Variants in RPH3A observed in about 807,000 individuals in gnomAD.
The protein encoded by RPH3A is rabphilin-3A.
Under a neutral mutation model 102.2 loss-of-function variants are expected in RPH3A, and 48 were observed. That is an observed-to-expected ratio of 0.47 (90% CI 0.37 to 0.60). RPH3A has a LOEUF of 0.60. Ranked by LOEUF, RPH3A falls within the 20% of genes least tolerant of loss-of-function variation. The pLI, the probability that RPH3A is intolerant of heterozygous loss-of-function variation, is 0.00. For synonymous variants in RPH3A, 310 were observed against 324.3 expected, an observed-to-expected ratio of 0.96 and a Z score of 0.47; for missense variants, 781 against 910.1, an observed-to-expected ratio of 0.86 and a Z score of 1.83.
chr12:112,767,919 C>T (rs1298429758), intron 1 of RPH3A, among the ~76,000 whole-genome samples: 3 of 152,068 alleles, frequency 2.0e-5, no homozygotes, highest in Non-Finnish European at 2.9e-5. Flanking sequence ...GAGGCAAATC[C>T]ATAGAGACAG....
chr12:112,663,848 A>G (rs1372029759), intron 1 of RPH3A, among the ~76,000 whole-genome samples: 7 of 152,134 alleles, frequency 4.6e-5, no homozygotes, highest in Admixed American at 4.6e-4. Flanking sequence ...CCAGCATATA[A>G]ACCAAGAGAA....
At chr12:112,896,543 G>C (rs939266594) in intron 21 of RPH3A, 107 bp from the exon 22 acceptor site, 17 of 1,286,692 alleles carry the variant, frequency 1.3e-5, no homozygotes, top group Middle Eastern at 2.3e-4. Context: ...TGGATCCCAG[G>C]TTGCTGGGGG....
intron 6 of RPH3A, among the ~76,000 whole-genome samples, chr12:112,866,197 G>A (rs908247705): frequency 6.6e-6 from 1 of 152,158 alleles, no homozygotes; most frequent in Non-Finnish European, 1.5e-5. Context: ...CATGTAGAAT[G>A]AAATCTTGCG....
chr12:112,847,493 C>T (rs997008589), intron 4 of RPH3A, among the ~76,000 whole-genome samples: 1 of 152,190 alleles, frequency 6.6e-6, no homozygotes, highest in Non-Finnish European at 1.5e-5. Flanking sequence ...CATGGAGTGT[C>T]TACTGTGTAC....
intron 1 of RPH3A, among the ~76,000 whole-genome samples, chr12:112,633,243 G>C (rs746229736): frequency 1.3e-5 from 2 of 152,114 alleles, no homozygotes; most frequent in Non-Finnish European, 2.9e-5. Context: ...ATCTATATGA[G>C]TCATCCTTCA....
chr12:112,696,555 A>G (rs1436295589), intron 1 of RPH3A, among the ~76,000 whole-genome samples: 1 of 152,164 alleles, frequency 6.6e-6, no homozygotes. Context: ...CTTCATTGCT[A>G]GGTTGTGTGC....
intron 1 of RPH3A, among the ~76,000 whole-genome samples, chr12:112,667,056 C>T (rs1157471695): frequency 3.3e-5 from 5 of 152,190 alleles, no homozygotes; most frequent in Non-Finnish European, 7.3e-5. Context: ...AAGCCACTCT[C>T]TGGTTCTCTG....
chr12:112,782,868 T>G (rs2041018736), intron 1 of RPH3A, among the ~76,000 whole-genome samples: 1 of 152,264 alleles, frequency 6.6e-6, no homozygotes, highest in Non-Finnish European at 1.5e-5. Flanking sequence ...GATTCTGTGA[T>G]GATCATCTCT....
At chr12:112,857,852 TCAGC>T (rs200812939) in intron 5 of RPH3A, among the ~76,000 whole-genome samples, 2,487 of 152,264 alleles carry the variant, frequency 0.016, 28 homozygotes, top group Non-Finnish European at 0.025. Context: ...AAAGACTTGC[TCAGC>T]TCCATGTGTA....
intron 2 of RPH3A, among the ~76,000 whole-genome samples, chr12:112,812,664 T>C (rs1291768982): frequency 7.0e-6 from 1 of 143,880 alleles, no homozygotes; most frequent in East Asian, 2.0e-4. Flanking sequence ...TCTGATTCTA[T>C]CCCCTTCTCT....
chr12:112,787,290 T>C (rs2041057935), upstream of RPH3A, among the ~76,000 whole-genome samples: 2 of 152,202 alleles, frequency 1.3e-5, no homozygotes, highest in Admixed American at 1.3e-4. Context: ...GGCCATTATT[T>C]TGCCTACCAC....
chr12:112,873,186 G>C (rs370694949), intron 10 of RPH3A, among the ~76,000 whole-genome samples: 6 of 152,026 alleles, frequency 3.9e-5, no homozygotes, highest in Non-Finnish European at 5.9e-5. Context: ...ACTCTCTGCC[G>C]GGTATGTGAT....
intron 5 of RPH3A, among the ~76,000 whole-genome samples, chr12:112,849,254 C>T (rs1019423052): frequency 3.9e-5 from 6 of 152,170 alleles, no homozygotes; most frequent in Admixed American, 3.9e-4. Context: ...AAACATCTGC[C>T]ACAGGATGTG....
At chr12:112,775,121 A>C (rs1223866905) in intron 1 of RPH3A, among the ~76,000 whole-genome samples, 3 of 152,156 alleles carry the variant, frequency 2.0e-5, no homozygotes, top group Non-Finnish European at 4.4e-5. Context: ...CTTAATACCT[A>C]GGTGATGGGT....
intron 1 of RPH3A, among the ~76,000 whole-genome samples, chr12:112,747,802 A>T: frequency 6.6e-6 from 1 of 152,204 alleles, no homozygotes; most frequent in East Asian, 1.9e-4. Context: ...TATTTCTTTT[A>T]TGTGAAACAG....
At chr12:112,694,226 T>C in intron 1 of RPH3A, among the ~76,000 whole-genome samples, 1 of 152,188 alleles carries the variant, frequency 6.6e-6, no homozygotes, top group East Asian at 1.9e-4. Flanking sequence ...CCGTTATTGC[T>C]GGACATTGTT....
At chr12:112,677,321 G>A (rs1023733585) in intron 1 of RPH3A, among the ~76,000 whole-genome samples, 6 of 146,662 alleles carry the variant, frequency 4.1e-5, no homozygotes, top group Non-Finnish European at 6.0e-5. Context: ...TAGGTGTGGA[G>A]CCTGTCATTT....
At chr12:112,847,525 T>G (rs2042249859) in intron 4 of RPH3A, among the ~76,000 whole-genome samples, 171 bp from the exon 5 acceptor site, 1 of 152,162 alleles carries the variant, frequency 6.6e-6, no homozygotes, top group Non-Finnish European at 1.5e-5. Context: ...CAAAATAAAC[T>G]CATTAGAAGC....
Position 112,724,840 on chromosome 12 carries a change from A to G in RPH3A, c.-139-67303A>G, listed in dbSNP as rs977766957. Among the ~76,000 whole-genome samples the G allele has an allele frequency of 9.2e-5, 14 of 152,110 alleles. 1 individual carries two copies. The highest frequency in any genetic ancestry group is 7.9e-4 in the Admixed American group (12 of 15,272). On this transcript the variant is annotated intron_variant, in intron 1 of 21. Transcript: ENST00000543106. ...AAAAATTAGCCAGGCGTGGTGACAC[A>G]CGCCTGTAGTCCCAGCTACTAGGGA...
Sources: gnomAD v4.1 joint callset for allele counts (sites outside exome capture counted in the v4.1 genomes callset) on GRCh38, gnomAD v4.1.1 for gene constraint, MANE v1.5 for transcripts, NCBI Gene and HGNC (gene_info 2026-07-23, HGNC 2026-07-21) for gene names.